CEP162: variants seen among roughly 807,000 people sequenced by gnomAD.
The protein encoded by CEP162 is centrosomal protein 162.
A neutral mutation model predicts 169.2 loss-of-function variants in CEP162; 141 were observed. The observed-to-expected ratio is 0.83, with a 90% CI of 0.73 to 0.96. The LOEUF (loss-of-function observed/expected upper bound fraction) is 0.96, where lower values mean the gene tolerates loss of function less well. CEP162 is among the 40% of genes least tolerant of loss of function. CEP162 has a pLI of 0.00. For synonymous variants in CEP162, 540 were observed against 526.4 expected (o/e 1.03, Z -0.35); for missense variants, 1,600 against 1,587.2 (o/e 1.01, Z -0.14).
intron 25 of CEP162, among the ~76,000 whole-genome samples, chr6:84,138,611 G>A (rs1701440546): frequency 6.6e-6 from 1 of 152,162 alleles, no homozygotes; most frequent in Non-Finnish European, 1.5e-5. Flanking sequence ...TGAGTGCTTA[G>A]CTTTCTAGTA....
intron 17 of CEP162, among the ~76,000 whole-genome samples, chr6:84,170,609 G>A (rs1588783419): frequency 6.6e-6 from 1 of 152,194 alleles, no homozygotes; most frequent in East Asian, 1.9e-4. Flanking sequence ...CAAAAAGGGG[G>A]AGAAGTATAT....
intron 26 of CEP162, among the ~76,000 whole-genome samples, chr6:84,125,714 G>C (rs775525080): frequency 3.3e-5 from 5 of 152,038 alleles, no homozygotes; most frequent in Non-Finnish European, 7.4e-5. Context: ...TGAGAAAAAA[G>C]GTGGCTATCT....
chr6:84,133,339 T>C (rs1245661467), intron 25 of CEP162, among the ~76,000 whole-genome samples: 1 of 152,030 alleles, frequency 6.6e-6, no homozygotes, highest in Non-Finnish European at 1.5e-5. Context: ...GTCTGTCTGT[T>C]CTCAGATCTC....
intron 21 of CEP162, among the ~76,000 whole-genome samples, chr6:84,160,588 A>T (rs545256603): frequency 6.6e-6 from 1 of 152,316 alleles, no homozygotes; most frequent in East Asian, 1.9e-4. Flanking sequence ...AATAACCTTT[A>T]TCAACAGGTC....
chr6:84,197,825 C>CA (rs564556727), intron 9 of CEP162, among the ~76,000 whole-genome samples: 13,777 of 64,128 alleles, frequency 0.21, 1,238 homozygotes, highest in African/African-American at 0.37. Flanking sequence ...TCAAACAAAA[C>CA]AAAAAAAAAA....
chr6:84,191,642 T>G (rs2099539975), intron 11 of CEP162, among the ~76,000 whole-genome samples: 1 of 152,156 alleles, frequency 6.6e-6, no homozygotes, highest in East Asian at 1.9e-4. Flanking sequence ...TACTCAAACC[T>G]GATGGAGAGG....
intron 25 of CEP162, among the ~76,000 whole-genome samples, chr6:84,137,181 T>G (rs981307843): frequency 6.6e-6 from 1 of 152,224 alleles, no homozygotes; most frequent in Non-Finnish European, 1.5e-5. Flanking sequence ...TGAACTGCTG[T>G]GAGAATGACT....
chr6:84,201,148 G>A (rs1330601917), intron 8 of CEP162, among the ~76,000 whole-genome samples: 1 of 152,110 alleles, frequency 6.6e-6, no homozygotes, highest in Non-Finnish European at 1.5e-5. Context: ...CGTGGTGGCA[G>A]GCGCCTGTAG....
At chr6:84,155,251 C>G (rs375010543) in intron 22 of CEP162, 47 bp downstream of exon 22, 7 of 1,407,928 alleles carry the variant, frequency 5.0e-6, no homozygotes, top group Non-Finnish European at 7.0e-6. Flanking sequence ...GTGCCTGCCC[C>G]CATTGTTCAT....
chr6:84,199,108 T>C (rs1042736139), intron 9 of CEP162, among the ~76,000 whole-genome samples: 9 of 152,206 alleles, frequency 5.9e-5, no homozygotes, highest in African/African-American at 2.2e-4. Context: ...AGCTGTACAA[T>C]GGCCTTTTAA....
Position 84,152,745 on chromosome 6 carries a change from A to G in CEP162, c.3429T>C (p.Ser1143=), listed in dbSNP as rs1417482655. The change falls in exon 23 of 27, where the codon AGT becomes AGC. Residue 1143 remains serine, a synonymous_variant. Transcript: ENST00000403245. ...KRAKKDVLHS[S]KGNANSFPGT... ...CAGGGAAGGAGTTAGCATTTCCTTTACTTGAGTGCAAAACATCTTTCTTTG... is the reference window on the plus strand; with the variant it reads ...CAGGGAAGGAGTTAGCATTTCCTTTGCTTGAGTGCAAAACATCTTTCTTTG... The G allele has an allele frequency of 4.3e-6, 7 of 1,613,130 alleles. No individual in the cohort carries two copies. The East Asian group carries it at 1.1e-4, about 26-fold the overall frequency.
chr6:84,190,232 G>C lies in CEP162; in HGVS notation c.1109+3377C>G, dbSNP rs200237332. 5.9e-5 allele frequency among the ~76,000 whole-genome samples: 9 copies of C among 152,104 alleles called. No homozygotes were observed. In the South Asian group the frequency reaches 1.7e-3, roughly 28 times the overall value. ...TGGAGAACCTGTGTGTTGAAACTCT[G>C]TATCTAACTAATCTGATGGGGACGT... On this transcript the variant is annotated intron_variant, in intron 11 of 26. Transcript: ENST00000403245.
chr6:84,197,870 C>T (rs1326784997), intron 9 of CEP162, among the ~76,000 whole-genome samples: 1 of 149,212 alleles, frequency 6.7e-6, no homozygotes, highest in African/African-American at 2.5e-5. Context: ...GTGCTAAATA[C>T]TGTTTTGCAG....
intron 25 of CEP162, among the ~76,000 whole-genome samples, chr6:84,132,023 G>T (rs914157365): frequency 2.0e-5 from 3 of 152,162 alleles, no homozygotes; most frequent in Non-Finnish European, 4.4e-5. Context: ...AGGAGCTCTT[G>T]TAAGGCATGC....
intron 13 of CEP162, among the ~76,000 whole-genome samples, chr6:84,178,023 T>C (rs1174044659): frequency 6.6e-6 from 1 of 152,236 alleles, no homozygotes; most frequent in Non-Finnish European, 1.5e-5. Context: ...CATTATTTTA[T>C]TATGATATAA....
Position 84,149,588 on chromosome 6 carries a change from G to A in CEP162, c.3745C>T (p.Leu1249=). 1.2e-6 allele frequency: 2 copies of A among 1,600,888 alleles called. No homozygotes were observed. Among genetic ancestry groups the A allele is most frequent in the Non-Finnish European group, 1.7e-6 (2 of 1,173,754 alleles). ...TCTTGAGTTGCTATTTTACGATTTA[G>A]TTCAGCTACTTTGGAAGAAGAATTT... ...VENSSSKVAE[L]NRKIATQEVL... is the part of the protein sequence containing the mutation. Residue 1249 remains leucine, a synonymous_variant, in exon 24 of 27, where the codon CTA becomes TTA. Transcript: ENST00000403245.
At chr6:84,165,140 T>C (rs1450084111) in intron 18 of CEP162, among the ~76,000 whole-genome samples, 2 of 151,838 alleles carry the variant, frequency 1.3e-5, no homozygotes. Flanking sequence ...TCAGGATTTC[T>C]GCTCACATGA....
intron 13 of CEP162, among the ~76,000 whole-genome samples, chr6:84,175,888 ACT>A (rs575413642): frequency 6.4e-4 from 97 of 152,162 alleles, no homozygotes; most frequent in African/African-American, 2.3e-3. Context: ...TAAAAGATTA[ACT>A]CTGCTATAAA....
chr6:84,177,963 A>G (rs7742402), intron 13 of CEP162, among the ~76,000 whole-genome samples: 9,231 of 152,262 alleles, frequency 0.061, 911 homozygotes, highest in African/African-American at 0.21. Flanking sequence ...AAATAATTGT[A>G]TTGAATTAAC....
Sources: allele counts gnomAD v4.1 joint callset (sites outside exome capture counted in the v4.1 genomes callset), GRCh38; gene constraint gnomAD v4.1.1; transcripts MANE v1.5; gene names NCBI Gene and HGNC (gene_info 2026-07-23, HGNC 2026-07-21).